Variants in MCM6 observed in about 807,000 individuals in gnomAD.
MCM6 encodes the protein minichromosome maintenance complex component 6.
MCM6 carries 46 observed loss-of-function variants against 94.3 expected under a neutral mutation model. That is an observed-to-expected ratio of 0.49 (90% CI 0.39 to 0.62). The LOEUF (loss-of-function observed/expected upper bound fraction) is 0.62. Ranked by LOEUF, MCM6 falls within the 20% of genes least tolerant of loss-of-function variation. MCM6 has a pLI of 0.00. For synonymous variants in MCM6, 335 were observed against 351.9 expected (o/e 0.95, Z 0.54); for missense variants, 865 against 1,017.9 (o/e 0.85, Z 2.04).
chr2:135,872,484 A>AAC, intron 2 of MCM6, among the ~76,000 whole-genome samples: 1 of 152,044 alleles, frequency 6.6e-6, no homozygotes, highest in East Asian at 1.9e-4. Context: ...AACAAAACAC[A>AAC]ACAACAAAAA....
intron 10 of MCM6, 144 bp from the exon 11 acceptor site, chr2:135,857,027 T>C (rs1168490757): frequency 1.6e-5 from 11 of 703,830 alleles, no homozygotes; most frequent in African/African-American, 7.2e-5. Context: ...GGAACTCCTA[T>C]GTGATTTTGG....
Position 135,859,303 on chromosome 2 carries a change from T to C in MCM6, c.1360A>G (p.Asn454Asp), listed in dbSNP as rs1184466614. The C allele has an allele frequency of 1.2e-6, 2 of 1,612,636 alleles. No homozygotes were observed. Among genetic ancestry groups the C allele is most frequent in the Non-Finnish European group, 1.7e-6 (2 of 1,179,104 alleles). Reference sequence around the variant, plus strand: ...TGAAGAGTGTAAAATGTTCTTACATTATCAGCCAACATCAAAGCTCCAGCC... The same window carrying C: ...TGAAGAGTGTAAAATGTTCTTACATCATCAGCCAACATCAAAGCTCCAGCC... ...IEAGALMLAD[N>D]GVCCIDEFDK... The change falls in exon 9 of 17, where the codon AAT (asparagine) becomes GAT (aspartate). Residue 454 changes from asparagine to aspartate, a missense_variant and splice_region_variant. Transcript: ENST00000264156.
chr2:135,864,962 T>C (rs1281103018), intron 7 of MCM6, 51 bp downstream of exon 7: 18 of 1,291,402 alleles, frequency 1.4e-5, no homozygotes, highest in Non-Finnish European at 1.7e-5. Context: ...TGGCTGTTTA[T>C]AATCATTATT....
In MCM6 at chr2:135,855,787, C is replaced by T. The variant is rs533401191; in HGVS notation, c.1626+941G>A. Among the ~76,000 whole-genome samples the T allele has an allele frequency of 5.3e-5, 8 of 152,190 alleles. No individual in the cohort carries two copies. The South Asian group carries it at 1.7e-3, about 32-fold the overall frequency. On this transcript the variant is annotated intron_variant, in intron 11 of 16. Coordinates refer to ENST00000264156, the MANE Select transcript of MCM6 (RefSeq NM_005915.6). ...CACTGTACCCAATAAAATGTAGAAC[C>T]TCAATGCTGAATGATTTAAAAAGTA...
intron 13 of MCM6, 126 bp downstream of exon 13, chr2:135,851,276 A>T: frequency 2.9e-6 from 2 of 698,434 alleles, no homozygotes; most frequent in Non-Finnish European, 4.6e-6. Flanking sequence ...CCATGGTCGT[A>T]TGAGCATTCA....
intron 11 of MCM6, among the ~76,000 whole-genome samples, chr2:135,854,915 G>A (rs1176499001): frequency 6.6e-6 from 1 of 152,128 alleles, no homozygotes. Context: ...AACACTTTGG[G>A]AGGCTGAGGT....
intron 14 of MCM6, among the ~76,000 whole-genome samples, chr2:135,847,020 CA>C (rs1357290173): frequency 6.7e-6 from 1 of 150,202 alleles, no homozygotes; most frequent in Non-Finnish European, 1.5e-5. Context: ...TAAAAAAAAA[CA>C]AAAAACAAAC....
intron 5 of MCM6, 61 bp downstream of exon 5, chr2:135,866,502 C>A: frequency 4.6e-6 from 7 of 1,529,042 alleles, no homozygotes; most frequent in Non-Finnish European, 6.2e-6. Context: ...ATGTGGGAAG[C>A]TAGATACTGT....
Position 135,872,472 on chromosome 2 carries a change from CAAACA to C in MCM6, c.254+220_254+224del, listed in dbSNP as rs1370127720. ...CTCAAAAAACAAACAAACAAACAAACAAACAAAACACAACAACAAAAAAACGTTCG... is the reference window on the plus strand; with the variant it reads ...CTCAAAAAACAAACAAACAAACAAACAAACACAACAACAAAAAAACGTTCG... On this transcript the variant is annotated intron_variant, in intron 2 of 16. Transcript: ENST00000264156. Among the ~76,000 whole-genome samples, 3 of 151,756 alleles carry C rather than the reference CAAACA, an allele frequency of 2.0e-5. No homozygotes were observed. The East Asian group carries it at 5.8e-4, about 29-fold the overall frequency.
intron 1 of MCM6, among the ~76,000 whole-genome samples, chr2:135,874,647 A>G (rs911514894): frequency 6.6e-6 from 1 of 152,214 alleles, no homozygotes; most frequent in African/African-American, 2.4e-5. Context: ...AATTTAAAAT[A>G]TGAAATGGTC....
intron 9 of MCM6, among the ~76,000 whole-genome samples, chr2:135,858,772 T>C (rs1453867003): frequency 6.6e-6 from 1 of 152,232 alleles, no homozygotes; most frequent in African/African-American, 2.4e-5. Context: ...TATATACACA[T>C]CTACCGATCT....
At chr2:135,844,772 T>C (rs541420739) in intron 15 of MCM6, 88 bp from the exon 16 acceptor site, 3 of 1,317,688 alleles carry the variant, frequency 2.3e-6, no homozygotes, top group South Asian at 2.0e-5. Context: ...AACGAGATAA[T>C]GTACAGATTA....
In MCM6 at chr2:135,866,769, T is replaced by C. The variant is rs1346893870; in HGVS notation, c.616-41A>G. On this transcript the variant is annotated intron_variant, in intron 4 of 16. Coordinates refer to ENST00000264156, the MANE Select transcript of MCM6 (RefSeq NM_005915.6). ...ACAACCAACCAAGAATGAGAAGCAA[T>C]ACCTTTCAGATGCCATATAATCTAA... 2.0e-6 allele frequency: 3 copies of C among 1,504,580 alleles called. No homozygotes were observed. In the Admixed American group the frequency reaches 6.4e-5, roughly 32 times the overall value. The allele number at this position is 1,504,580 out of a possible 1,614,324, so 93.2% of individuals were successfully genotyped here. A position where few individuals can be genotyped will look rare whatever the true frequency, so the allele number is the denominator to read the frequency against.
At chr2:135,844,234 CAT>C (rs1270151448) in intron 16 of MCM6, among the ~76,000 whole-genome samples, 1 of 151,868 alleles carries the variant, frequency 6.6e-6, no homozygotes, top group Non-Finnish European at 1.5e-5. Flanking sequence ...GAAAATGAAA[CAT>C]AGAAAGTAGG....
chr2:135,871,607 T>C (rs1382567957), intron 2 of MCM6, among the ~76,000 whole-genome samples: 2 of 152,260 alleles, frequency 1.3e-5, no homozygotes, highest in Non-Finnish European at 2.9e-5. Context: ...AAGATGTTTC[T>C]TGCTATATAT....
chr2:135,843,311 C>G (rs900712576), intron 16 of MCM6, among the ~76,000 whole-genome samples: 4 of 152,192 alleles, frequency 2.6e-5, no homozygotes, highest in African/African-American at 9.6e-5. Flanking sequence ...CTCTATACAT[C>G]TGGAGTTTAC....
chr2:135,844,765 G>A (rs1430796382), intron 15 of MCM6, 81 bp from the exon 16 acceptor site: 15 of 1,375,244 alleles, frequency 1.1e-5, no homozygotes, highest in Middle Eastern at 2.0e-4. Context: ...CATATACAAC[G>A]AGATAATGTA....
Position 135,868,803 on chromosome 2 carries a change from C to G in MCM6, c.423G>C (p.Val141=). ...CTGGGTGAACTGGGTGAGTCCGCAC[C>G]ACCTGCCCACTGATGCGAGTGAGCA... is the stretch of plus-strand genomic sequence containing the variant. ...IGLLTRISGQ[V]VRTHPVHPEL... Residue 141 remains valine, a synonymous_variant, in exon 4 of 17, where the codon GTG becomes GTC. Transcript: ENST00000264156. 6.2e-7 allele frequency: 1 copy of G among 1,614,186 alleles called. No homozygotes were observed. Among genetic ancestry groups the G allele is most frequent in the Non-Finnish European group, 8.5e-7 (1 of 1,180,024 alleles).
At chr2:135,856,965 T>C in intron 10 of MCM6, 82 bp from the exon 11 acceptor site, 1 of 1,286,610 alleles carries the variant, frequency 7.8e-7, no homozygotes, top group Non-Finnish European at 1.1e-6. Flanking sequence ...ATCTCACCCA[T>C]AATTAACTAA....
Sources: gnomAD v4.1 joint callset for allele counts (sites outside exome capture counted in the v4.1 genomes callset) on GRCh38, gnomAD v4.1.1 for gene constraint, MANE v1.5 for transcripts, NCBI Gene and HGNC (gene_info 2026-07-23, HGNC 2026-07-21) for gene names.